The following SRP19 variants were observed in gnomAD, a reference collection of about 807,000 sequenced individuals.
The protein encoded by SRP19 is signal recognition particle 19.
A neutral mutation model predicts 22.4 loss-of-function variants in SRP19; 11 were observed. The ratio of observed to expected loss-of-function variants is 0.49; its 90% CI spans 0.31 to 0.81. SRP19 has a LOEUF of 0.81. SRP19 is among the 40% of genes least tolerant of loss of function. The pLI, the probability that SRP19 is intolerant of heterozygous loss-of-function variation, is 0.05. For missense variants in SRP19, 168 were observed against 175.9 expected, an observed-to-expected ratio of 0.96 and a Z score of 0.25; for synonymous variants, 61 against 57.6, an observed-to-expected ratio of 1.06 and a Z score of -0.27.
exon 5 of SRP19, chr5:112,892,300 A>G: frequency 5.6e-6 from 9 of 1,614,072 alleles, no homozygotes; most frequent in Non-Finnish European, 7.6e-6. Flanking sequence ...GCAGTGCAGG[A>G]GGGATGACTA....
chr5:112,891,515 C>A (rs1236991968), intron 4 of SRP19: 6 of 1,380,954 alleles, frequency 4.3e-6, no homozygotes, highest in Non-Finnish European at 5.9e-6. Flanking sequence ...AGTATGCAAA[C>A]AAAACAATAC....
At chr5:112,888,716 C>G (rs988676558) in intron 4 of SRP19, among the ~76,000 whole-genome samples, 2 of 150,952 alleles carry the variant, frequency 1.3e-5, no homozygotes, top group South Asian at 2.1e-4. Flanking sequence ...TACACATGCA[C>G]AAGAGTTTTT....
At chr5:112,879,592 G>A (rs1261833688) in intron 4 of SRP19, among the ~76,000 whole-genome samples, 1 of 152,098 alleles carries the variant, frequency 6.6e-6, no homozygotes, top group Admixed American at 6.5e-5. Flanking sequence ...TCCTGCCTCA[G>A]CCTCCCGAGT....
intron 4 of SRP19, chr5:112,865,217 A>G (rs1040844308): frequency 3.9e-5 from 6 of 152,474 alleles, no homozygotes; most frequent in African/African-American, 1.2e-4. Flanking sequence ...ATAGATGCAT[A>G]TGTAATGTTG....
At chr5:112,864,372 A>T in intron 2 of SRP19, 85 bp from the exon 3 acceptor site, 1 of 1,153,082 alleles carries the variant, frequency 8.7e-7, no homozygotes, top group Non-Finnish European at 1.3e-6. Flanking sequence ...TTGTTTGATT[A>T]TAGTATTTGA....
At chr5:112,884,291 T>C (rs1174805470) in intron 4 of SRP19, among the ~76,000 whole-genome samples, 2 of 152,120 alleles carry the variant, frequency 1.3e-5, no homozygotes, top group Non-Finnish European at 2.9e-5. Context: ...TGCACCCCTC[T>C]AGATCACTTC....
chr5:112,880,214 C>T (rs1383238613), intron 4 of SRP19, among the ~76,000 whole-genome samples: 6 of 152,038 alleles, frequency 3.9e-5, no homozygotes. Context: ...AGTTTGAGAT[C>T]ACCCTGGCCA....
At chr5:112,897,388 C>A (rs1323140862), downstream of SRP19, 4 of 145,426 alleles carry the variant, frequency 2.8e-5, no homozygotes, top group Admixed American at 6.9e-5. Flanking sequence ...CACACACACA[C>A]ACACACAAAT....
Position 112,867,731 on chromosome 5 carries a change from C to A in SRP19, c.*194C>A. The A allele has an allele frequency of 7.7e-7, 1 of 1,298,080 alleles. No homozygotes were observed. The highest frequency in any genetic ancestry group is 9.8e-7 in the Non-Finnish European group (1 of 1,022,368). The allele number at this position is 1,298,080 out of a possible 1,614,324, so 80.4% of individuals were successfully genotyped here. On this transcript the variant is annotated 3_prime_UTR_variant, in exon 5 of 5. Coordinates refer to ENST00000505459, the MANE Select transcript of SRP19 (RefSeq NM_003135.3). ...CAGAAGTTTGCATCTCGCGTATATG[C>A]CGTATAAAAGAATTTTTTTGTCTTT...
In SRP19 at chr5:112,862,499, C is replaced by G. The variant is rs762949051; in HGVS notation, c.42-9C>G. 5.6e-6 allele frequency: 9 copies of G among 1,612,792 alleles called. No individual in the cohort carries two copies. Among genetic ancestry groups the G allele is most frequent in the South Asian group, 1.1e-5 (1 of 91,014 alleles). On this transcript the variant is annotated splice_polypyrimidine_tract_variant and intron_variant, in intron 1 of 4. Transcript: ENST00000505459. ...CTAGTGATACCACTTATGCTATTGT[C>G]TATGGCAGGTTTATTTGTATCTATC...
At chr5:112,887,368 G>C (rs1447366647) in intron 4 of SRP19, among the ~76,000 whole-genome samples, 1 of 152,136 alleles carries the variant, frequency 6.6e-6, no homozygotes, top group African/African-American at 2.4e-5. Context: ...GATGAGTAAT[G>C]AGCTGGTAAG....
chr5:112,869,680 T>TG lies in SRP19; in HGVS notation c.*2148dup. The stretch of plus-strand genomic sequence containing the variant: ...GGACCAGGTGGAGATAATTGGATCA[T>TG]GGGGGCAATTTCCCCTGTGCTGTTC... On this transcript the variant is annotated 3_prime_UTR_variant, in exon 5 of 5. Transcript: ENST00000505459. 1 of 152,222 alleles carries TG rather than the reference T, an allele frequency of 6.6e-6. No homozygotes were observed. The highest frequency in any genetic ancestry group is 1.5e-5 in the Non-Finnish European group (1 of 68,046). 9.4% of individuals were successfully genotyped at this position (152,222 alleles called of 1,614,324 possible). A position where few individuals can be genotyped will look rare whatever the true frequency, so the allele number is the denominator to read the frequency against.
intron 4 of SRP19, chr5:112,885,593 T>G (rs573665280): frequency 5.9e-5 from 16 of 271,342 alleles, no homozygotes; most frequent in Admixed American, 5.2e-4. Context: ...CTGGACAACT[T>G]AGACCCACTA....
At chr5:112,878,131 A>G (rs998355401) in intron 4 of SRP19, 6 of 152,440 alleles carry the variant, frequency 3.9e-5, no homozygotes, top group African/African-American at 1.4e-4. Flanking sequence ...GCCAATCTCC[A>G]TTCGATTTCA....
At chr5:112,895,920 C>G (rs1188605323), downstream of SRP19, 1 of 152,206 alleles carries the variant, frequency 6.6e-6, no homozygotes, top group African/African-American at 2.4e-5. Context: ...GCTATTTTAA[C>G]TGGACTCTTG....
chr5:112,874,006 A>G (rs1375257111), downstream of SRP19, among the ~76,000 whole-genome samples: 1 of 151,968 alleles, frequency 6.6e-6, no homozygotes, highest in Non-Finnish European at 1.5e-5. Flanking sequence ...TCTACAAAAA[A>G]AAATAAAAAA....
intron 4 of SRP19, among the ~76,000 whole-genome samples, chr5:112,879,809 T>C (rs1229813504): frequency 1.3e-5 from 2 of 151,994 alleles, no homozygotes; most frequent in Non-Finnish European, 2.9e-5. Context: ...CCAGGCATAA[T>C]GACTCATGCC....
intron 4 of SRP19, chr5:112,887,205 A>C: frequency 4.5e-6 from 7 of 1,554,112 alleles, no homozygotes; most frequent in Non-Finnish European, 6.1e-6. Flanking sequence ...AAGAGCCAGC[A>C]TGGGTAACAG....
chr5:112,886,655 T>G (rs1193851568), intron 4 of SRP19, among the ~76,000 whole-genome samples: 1 of 152,220 alleles, frequency 6.6e-6, no homozygotes, highest in East Asian at 1.9e-4. Flanking sequence ...CTTTCTCCAT[T>G]TATTTAAAAC....
Sources: gnomAD v4.1 joint callset for allele counts (sites outside exome capture counted in the v4.1 genomes callset) on GRCh38, gnomAD v4.1.1 for gene constraint, MANE v1.5 for transcripts, NCBI Gene and HGNC (gene_info 2026-07-23, HGNC 2026-07-21) for gene names.